NSUN6: variants seen among roughly 807,000 people sequenced by gnomAD.
NSUN6 encodes NOP2/Sun RNA methyltransferase 6.
NSUN6 carries 64 observed loss-of-function variants against 58.0 expected under a neutral mutation model. That is an observed-to-expected ratio of 1.10 (90% CI 0.90 to 1.36). The LOEUF (loss-of-function observed/expected upper bound fraction) is 1.36. Among genes scored for constraint, NSUN6 ranks in the 40% most tolerant of loss-of-function variants. The pLI, the probability that NSUN6 is intolerant of heterozygous loss-of-function variation, is 0.00. For missense variants in NSUN6, 701 were observed against 550.1 expected (o/e 1.27, Z -2.74); for synonymous variants, 231 against 193.9 (o/e 1.19, Z -1.59).
At chr10:18,631,728 C>CA in intron 3 of NSUN6, among the ~76,000 whole-genome samples, 1 of 149,890 alleles carries the variant, frequency 6.7e-6, no homozygotes, top group African/African-American at 2.5e-5. Flanking sequence ...AGGAGAACTA[C>CA]AAACCACTGC....
At chr10:18,571,091 T>C (rs941052802) in intron 8 of NSUN6, among the ~76,000 whole-genome samples, 2 of 151,754 alleles carry the variant, frequency 1.3e-5, no homozygotes, top group African/African-American at 4.8e-5. Flanking sequence ...CATGCTCCAT[T>C]CCATTCCATT....
At chr10:18,584,257 C>T (rs1290998512) in intron 8 of NSUN6, among the ~76,000 whole-genome samples, 1 of 152,192 alleles carries the variant, frequency 6.6e-6, no homozygotes, top group Non-Finnish European at 1.5e-5. Flanking sequence ...AGATTAGGCA[C>T]CAGCTAGCAG....
intron 5 of NSUN6, among the ~76,000 whole-genome samples, chr10:18,610,722 G>A (rs1207275912): frequency 6.6e-6 from 1 of 152,160 alleles, no homozygotes; most frequent in Non-Finnish European, 1.5e-5. Context: ...CAATCTCAGA[G>A]ATGTTGTCAG....
intron 8 of NSUN6, among the ~76,000 whole-genome samples, chr10:18,554,589 A>AGG (rs2054845362): frequency 6.6e-6 from 1 of 151,388 alleles, no homozygotes; most frequent in Admixed American, 6.6e-5. Context: ...TGGAACAGAG[A>AGG]ATGGAATGGA....
At position 18,651,256 on chromosome 10, in the gene NSUN6, GT is replaced by G. The variant is rs140572895; in HGVS notation, c.-54del. 6,106 of 1,356,128 alleles carry G rather than the reference GT, an allele frequency of 4.5e-3. 53 individuals are homozygous for G. Among genetic ancestry groups the G allele is most frequent in the South Asian group, 0.038 (2,473 of 64,772 alleles). 84.0% of individuals were successfully genotyped at this position (1,356,128 alleles called of 1,614,324 possible). A position where few individuals can be genotyped will look rare whatever the true frequency, so the allele number is the denominator to read the frequency against. ...GAGAAATGCTGGAAAACGGTGTTTT[GT>G]TTTTTTTTTTCTTTCCGAATTAATA... On this transcript the variant is annotated 5_prime_UTR_variant, in exon 1 of 11. Transcript: ENST00000377304.
At chr10:18,625,209 G>A (rs117437985) in intron 3 of NSUN6, among the ~76,000 whole-genome samples, 1 of 152,118 alleles carries the variant, frequency 6.6e-6, no homozygotes, top group African/African-American at 2.4e-5. Context: ...TGGTGTGACC[G>A]TATGCTAGGT....
At chr10:18,627,907 C>T (rs544596822) in intron 3 of NSUN6, among the ~76,000 whole-genome samples, 1 of 152,376 alleles carries the variant, frequency 6.6e-6, no homozygotes, top group South Asian at 2.1e-4. Flanking sequence ...GAGCCCACCA[C>T]AGCTCAAGGA....
At chr10:18,626,052 G>C (rs2058790777) in intron 3 of NSUN6, among the ~76,000 whole-genome samples, 1 of 152,092 alleles carries the variant, frequency 6.6e-6, no homozygotes, top group African/African-American at 2.4e-5. Context: ...CAGTACGTAA[G>C]AGTCACACTT....
At chr10:18,576,177 T>C (rs2056638217) in intron 8 of NSUN6, among the ~76,000 whole-genome samples, 1 of 152,142 alleles carries the variant, frequency 6.6e-6, no homozygotes, top group South Asian at 2.1e-4. Context: ...TCTTCTTTCC[T>C]TGCTCTATTG....
chr10:18,554,740 G>C (rs954753498), intron 8 of NSUN6, among the ~76,000 whole-genome samples: 1 of 151,472 alleles, frequency 6.6e-6, no homozygotes. Flanking sequence ...GAATGTATGG[G>C]AATGGAATGG....
intron 9 of NSUN6, 76 bp downstream of exon 9, chr10:18,551,746 TG>T: frequency 8.0e-7 from 1 of 1,251,080 alleles, no homozygotes; most frequent in Non-Finnish European, 1.2e-6. Context: ...AACGCTGCTA[TG>T]GAGATTGCTG....
chr10:18,593,451 C>A (rs1372808997), intron 7 of NSUN6, among the ~76,000 whole-genome samples: 1 of 152,108 alleles, frequency 6.6e-6, no homozygotes, highest in East Asian at 1.9e-4. Context: ...AGACTTGGAA[C>A]CAACCCAAAT....
In NSUN6 at chr10:18,557,757, G is replaced by A. The variant is rs532999053; in HGVS notation, c.923-5786C>T. 2.0e-3 allele frequency among the ~76,000 whole-genome samples: 300 copies of A among 151,592 alleles called. 1 individual carries two copies. Among genetic ancestry groups the A allele is most frequent in the African/African-American group, 7.1e-3 (292 of 41,374 alleles). On this transcript the variant is annotated intron_variant, in intron 8 of 10. Transcript: ENST00000377304. Reference sequence around the variant, plus strand: ...GGAGAATGAACTGGAATGGAGAATAGAATGGAATGGAGAATGGAACAGAAT... The same window carrying A: ...GGAGAATGAACTGGAATGGAGAATAAAATGGAATGGAGAATGGAACAGAAT...
intron 7 of NSUN6, among the ~76,000 whole-genome samples, chr10:18,589,976 A>G (rs2057315609): frequency 6.6e-6 from 1 of 152,194 alleles, no homozygotes; most frequent in African/African-American, 2.4e-5. Context: ...CTGGATAAAG[A>G]GTCAAGACCC....
intron 1 of NSUN6, among the ~76,000 whole-genome samples, chr10:18,650,134 T>C (rs556314713): frequency 2.0e-5 from 3 of 152,314 alleles, no homozygotes; most frequent in Admixed American, 6.5e-5. Context: ...TGGCAGGCAC[T>C]GCCAATTGCA....
intron 2 of NSUN6, among the ~76,000 whole-genome samples, chr10:18,644,568 G>A (rs894711395): frequency 4.0e-5 from 6 of 151,530 alleles, no homozygotes; most frequent in Admixed American, 1.3e-4. Context: ...CGGGCGCAGT[G>A]GCTCATGCCT....
intron 3 of NSUN6, among the ~76,000 whole-genome samples, chr10:18,619,928 C>G (rs936605896): frequency 6.6e-6 from 1 of 151,714 alleles, no homozygotes; most frequent in African/African-American, 2.4e-5. Flanking sequence ...TTACTATGTG[C>G]GATGCAATAT....
intron 6 of NSUN6, among the ~76,000 whole-genome samples, chr10:18,601,902 G>C (rs2057856679): frequency 6.6e-6 from 1 of 151,292 alleles, no homozygotes; most frequent in African/African-American, 2.4e-5. Context: ...TCAACCCGGA[G>C]GCAGAGATTG....
At chr10:18,624,647 C>CAA (rs10671283) in intron 3 of NSUN6, among the ~76,000 whole-genome samples, 17,420 of 76,740 alleles carry the variant, frequency 0.23, 2,824 homozygotes, top group South Asian at 0.38. Flanking sequence ...GACTCTGTCT[C>CAA]AAAAAAAAAA....
Sources: allele counts gnomAD v4.1 joint callset (sites outside exome capture counted in the v4.1 genomes callset), GRCh38; gene constraint gnomAD v4.1.1; transcripts MANE v1.5; gene names NCBI Gene and HGNC (gene_info 2026-07-23, HGNC 2026-07-21).